The following VIPR2 variants were observed in gnomAD, a reference collection of about 807,000 sequenced individuals.
The protein encoded by VIPR2 is vasoactive intestinal polypeptide receptor 2.
Under a neutral mutation model 58.0 loss-of-function variants are expected in VIPR2, and 48 were observed. The ratio of observed to expected loss-of-function variants is 0.83; its 90% CI spans 0.66 to 1.05. VIPR2 has a LOEUF of 1.05. Among genes scored for constraint, VIPR2 ranks in the 50% least tolerant of loss-of-function variants. The pLI is 0.00. For synonymous variants in VIPR2, 243 were observed against 235.2 expected (o/e 1.03, Z -0.30); for missense variants, 534 against 558.0 (o/e 0.96, Z 0.43).
intron 3 of VIPR2, among the ~76,000 whole-genome samples, chr7:159,108,484 T>G (rs1312707607): frequency 6.6e-6 from 1 of 152,212 alleles, no homozygotes; most frequent in Non-Finnish European, 1.5e-5. Context: ...ACCACAAGTT[T>G]CCTCACAATA....
Position 159,138,143 on chromosome 7 carries a change from C to T in VIPR2, c.151+4303G>A, listed in dbSNP as rs571855968. Reference sequence around the variant, plus strand: ...GGGCAGCATCGCAGGGCAGCTGAGCCGAGACCACAGAGCGAGGTGGAATGC... The same window carrying T: ...GGGCAGCATCGCAGGGCAGCTGAGCTGAGACCACAGAGCGAGGTGGAATGC... On this transcript the variant is annotated intron_variant, in intron 2 of 12. Coordinates refer to ENST00000262178, the MANE Select transcript of VIPR2 (RefSeq NM_003382.5). Among the ~76,000 whole-genome samples, 12 of 152,328 alleles carry T rather than the reference C, an allele frequency of 7.9e-5. No individual in the cohort carries two copies. The South Asian group carries it at 2.3e-3, about 29-fold the overall frequency.
At chr7:159,141,808 A>G (rs1797478444) in intron 2 of VIPR2, among the ~76,000 whole-genome samples, 1 of 152,180 alleles carries the variant, frequency 6.6e-6, no homozygotes, top group Non-Finnish European at 1.5e-5. Context: ...TGAAGAGGAG[A>G]AAATCATGAC....
At chr7:159,062,949 G>A (rs531304760) in intron 4 of VIPR2, among the ~76,000 whole-genome samples, 1 of 152,208 alleles carries the variant, frequency 6.6e-6, no homozygotes, top group East Asian at 1.9e-4. Flanking sequence ...AGATTAGCTA[G>A]ACACAGAACA....
chr7:159,120,280 G>A (rs1272038951), intron 2 of VIPR2, among the ~76,000 whole-genome samples: 1 of 152,186 alleles, frequency 6.6e-6, no homozygotes, highest in African/African-American at 2.4e-5. Flanking sequence ...CTTCTACCAG[G>A]GAGAAGAGCA....
chr7:159,135,015 T>G (rs1325028445), intron 2 of VIPR2, among the ~76,000 whole-genome samples: 1 of 122,956 alleles, frequency 8.1e-6, no homozygotes, highest in South Asian at 2.6e-4. Context: ...TTTTTTTTTT[T>G]TTTTTTTTTT....
chr7:159,050,506 G>A (rs1490580918), intron 5 of VIPR2, among the ~76,000 whole-genome samples: 1 of 151,666 alleles, frequency 6.6e-6, no homozygotes, highest in Non-Finnish European at 1.5e-5. Flanking sequence ...CAATCAAATA[G>A]AAAATTTAAA....
intron 3 of VIPR2, among the ~76,000 whole-genome samples, chr7:159,108,991 TCTC>T (rs899620788): frequency 6.6e-6 from 1 of 152,210 alleles, no homozygotes; most frequent in African/African-American, 2.4e-5. Flanking sequence ...GGAATCTCCT[TCTC>T]CTCTGTCCCA....
At chr7:159,053,659 C>T (rs1478511871) in intron 5 of VIPR2, among the ~76,000 whole-genome samples, 1 of 152,198 alleles carries the variant, frequency 6.6e-6, no homozygotes, top group Non-Finnish European at 1.5e-5. Flanking sequence ...CCACCCCAGC[C>T]CCTTAAGTAG....
At chr7:159,036,525 G>A (rs116066819) in intron 7 of VIPR2, among the ~76,000 whole-genome samples, 2,564 of 152,246 alleles carry the variant, frequency 0.017, 55 homozygotes, top group African/African-American at 0.058. Flanking sequence ...TTGAATGGGG[G>A]TACAAGGGGC....
At chr7:159,118,293 C>T (rs1046070774) in intron 2 of VIPR2, among the ~76,000 whole-genome samples, 11 of 152,186 alleles carry the variant, frequency 7.2e-5, no homozygotes, top group Non-Finnish European at 1.6e-4. Context: ...GAGATAGCCA[C>T]GAGGAAAAGA....
chr7:159,092,283 G>A (rs1192945074), intron 4 of VIPR2, among the ~76,000 whole-genome samples: 1 of 152,174 alleles, frequency 6.6e-6, no homozygotes, highest in African/African-American at 2.4e-5. Context: ...TCATGAAGCC[G>A]AGAGCACCAG....
intron 4 of VIPR2, 139 bp from the exon 5 acceptor site, chr7:159,058,717 A>G: frequency 1.6e-6 from 1 of 639,128 alleles, no homozygotes. Flanking sequence ...GTCTCGCTTT[A>G]TAATTCCACC....
chr7:159,078,173 T>C (rs1479850391), intron 4 of VIPR2, among the ~76,000 whole-genome samples: 1 of 152,074 alleles, frequency 6.6e-6, no homozygotes, highest in Admixed American at 6.6e-5. Context: ...CATTGAAACT[T>C]CCCCCCCTCA....
intron 4 of VIPR2, among the ~76,000 whole-genome samples, chr7:159,076,898 T>C (rs896449659): frequency 1.3e-5 from 2 of 152,256 alleles, no homozygotes; most frequent in African/African-American, 4.8e-5. Context: ...AGTTAAGTTA[T>C]CTCCATTTTA....
In VIPR2 at chr7:159,099,179, T is replaced by G. The variant is rs1245219702; in HGVS notation, c.357+4578A>C. ...GCCATCCTTTTCTTTGCTTTCTCAC[T>G]TTAAAATATTTTGACTTTCTAATCC... On this transcript the variant is annotated intron_variant, in intron 4 of 12. Transcript: ENST00000262178. The surrounding 1 kb of genome is among the most constrained non-coding windows in gnomAD (Gnocchi z 4.2). 6.6e-6 allele frequency among the ~76,000 whole-genome samples: 1 copy of G among 152,280 alleles called. No homozygotes were observed. Among genetic ancestry groups the G allele is most frequent in the African/African-American group, 2.4e-5 (1 of 41,476 alleles).
At chr7:159,034,376 C>A in intron 9 of VIPR2, 72 bp from the exon 10 acceptor site, 1 of 1,488,406 alleles carries the variant, frequency 6.7e-7, no homozygotes, top group Non-Finnish European at 9.3e-7. Flanking sequence ...CACCTGATTT[C>A]GACCCTCCCC....
At position 159,090,027 on chromosome 7, in the gene VIPR2, ACCTCT is replaced by A. The variant is rs1857370441; in HGVS notation, c.357+13725_357+13729del. Among the ~76,000 whole-genome samples, 16 of 152,168 alleles carry A rather than the reference ACCTCT, an allele frequency of 1.1e-4. 1 individual carries two copies. Among genetic ancestry groups the A allele is most frequent in the African/African-American group, 3.1e-4 (13 of 41,420 alleles). On this transcript the variant is annotated intron_variant, in intron 4 of 12. Transcript: ENST00000262178. ...CATGCTGGGATCACGCACAGGGGCCACCTCTTGTGACCATCACAATCCCCGGTGAC... is the reference window on the plus strand; with the variant it reads ...CATGCTGGGATCACGCACAGGGGCCATGTGACCATCACAATCCCCGGTGAC...
In VIPR2 at chr7:159,029,297, G is replaced by A. The variant is rs1853404067; in HGVS notation, c.*1319C>T. On this transcript the variant is annotated 3_prime_UTR_variant, in exon 13 of 13. Transcript: ENST00000262178. The stretch of plus-strand genomic sequence containing the variant: ...GCTGGGCAGCTTGCTGAGGTCCATC[G>A]AGCGCTGTGGGGGCCAGGGCTTGGC... 6.6e-6 allele frequency: 1 copy of A among 152,308 alleles called. No individual in the cohort carries two copies. Among genetic ancestry groups the A allele is most frequent in the Non-Finnish European group, 1.5e-5 (1 of 68,174 alleles). The allele number at this position is 152,308 out of a possible 1,614,324, so 9.4% of individuals were successfully genotyped here. A position where few individuals can be genotyped will look rare whatever the true frequency, so the allele number is the denominator to read the frequency against.
At chr7:159,118,077 G>A (rs548219500) in intron 2 of VIPR2, among the ~76,000 whole-genome samples, 167 of 152,280 alleles carry the variant, frequency 1.1e-3, no homozygotes, top group African/African-American at 3.7e-3. Flanking sequence ...GGCCGGGGGC[G>A]TCCCAGTCAT....
Sources: allele counts gnomAD v4.1 joint callset (sites outside exome capture counted in the v4.1 genomes callset), GRCh38; gene constraint gnomAD v4.1.1; non-coding constraint Gnocchi (gnomAD v3.1); transcripts MANE v1.5; gene names NCBI Gene and HGNC (gene_info 2026-07-23, HGNC 2026-07-21).